SPMIP3: variants seen among roughly 807,000 people sequenced by gnomAD.
The protein encoded by SPMIP3 is sperm microtubule inner protein 3, also known as protein SPMIP3.
the SPMIP3 span, among the ~76,000 whole-genome samples, chr1:244,374,619 C>T: frequency 2.3e-5 from 2 of 87,482 alleles, no homozygotes; most frequent in Non-Finnish European, 4.1e-5. Context: ...TTTTTTGAGA[C>T]AGGGTCTTGC....
At chr1:244,356,761 A>G in the SPMIP3 span, among the ~76,000 whole-genome samples, 1 of 152,160 alleles carries the variant, frequency 6.6e-6, no homozygotes, top group Non-Finnish European at 1.5e-5. Context: ...CAAAATGTCC[A>G]AAATTGGGGT....
At chr1:244,356,337 A>G in the SPMIP3 span, among the ~76,000 whole-genome samples, 3 of 152,188 alleles carry the variant, frequency 2.0e-5, no homozygotes, top group African/African-American at 7.2e-5. Flanking sequence ...GAATGGGTCA[A>G]TTTTATTAAG....
the SPMIP3 span, among the ~76,000 whole-genome samples, chr1:244,388,489 T>C: frequency 6.6e-6 from 1 of 152,160 alleles, no homozygotes; most frequent in Non-Finnish European, 1.5e-5. Flanking sequence ...TGATTGATTT[T>C]GTATGGTTTT....
At chr1:244,353,024 T>G in the SPMIP3 span, among the ~76,000 whole-genome samples, 1 of 152,324 alleles carries the variant, frequency 6.6e-6, no homozygotes, top group East Asian at 1.9e-4. Context: ...CAAGAAGACC[T>G]AGGTTTTAAA....
At chr1:244,375,763 C>T in the SPMIP3 span, among the ~76,000 whole-genome samples, 2 of 152,010 alleles carry the variant, frequency 1.3e-5, no homozygotes, top group East Asian at 1.9e-4. Context: ...CTCCCAGGTT[C>T]GAGCAATTCT....
the SPMIP3 span, among the ~76,000 whole-genome samples, chr1:244,358,825 A>G: frequency 2.0e-5 from 3 of 152,156 alleles, no homozygotes; most frequent in Non-Finnish European, 4.4e-5. Context: ...AAGGGCACAG[A>G]CAGCACTTTT....
the SPMIP3 span, among the ~76,000 whole-genome samples, chr1:244,388,307 ATACT>A: frequency 6.6e-6 from 1 of 152,156 alleles, no homozygotes; most frequent in Non-Finnish European, 1.5e-5. Context: ...TAATAATAAA[ATACT>A]TATTTATTCC....
chr1:244,383,725 C>A, the SPMIP3 span, among the ~76,000 whole-genome samples: 1 of 151,974 alleles, frequency 6.6e-6, no homozygotes, highest in South Asian at 2.1e-4. Flanking sequence ...CAGGAAGGAG[C>A]ATGACATGTT....
the SPMIP3 span, chr1:244,389,637 G>A: frequency 6.6e-6 from 1 of 152,016 alleles, no homozygotes; most frequent in African/African-American, 2.4e-5. Context: ...TCTCTAGGGA[G>A]AGGAAAGAAT....
At chr1:244,387,285 A>G in the SPMIP3 span, among the ~76,000 whole-genome samples, 1 of 151,952 alleles carries the variant, frequency 6.6e-6, no homozygotes, top group Non-Finnish European at 1.5e-5. Flanking sequence ...CCGACAGAGT[A>G]CGACTCCGTC....
chr1:244,387,368 AT>A, the SPMIP3 span, among the ~76,000 whole-genome samples: 1 of 152,198 alleles, frequency 6.6e-6, no homozygotes, highest in African/African-American at 2.4e-5. Context: ...CAATAATTGT[AT>A]TAAAGTGAAG....
chr1:244,374,006 G>T, the SPMIP3 span, among the ~76,000 whole-genome samples: 1 of 151,974 alleles, frequency 6.6e-6, no homozygotes, highest in East Asian at 1.9e-4. Context: ...CCAGCTACTC[G>T]GGAGGCTGAG....
chr1:244,385,796 T>A, the SPMIP3 span, among the ~76,000 whole-genome samples: 1 of 152,164 alleles, frequency 6.6e-6, no homozygotes, highest in Non-Finnish European at 1.5e-5. Flanking sequence ...TGGAATTGCA[T>A]ATATCACTGA....
chr1:244,382,260 G>A, the SPMIP3 span, among the ~76,000 whole-genome samples: 1 of 151,964 alleles, frequency 6.6e-6, no homozygotes, highest in African/African-American at 2.4e-5. Context: ...TGCTATATGG[G>A]AAATAAGCAG....
chr1:244,354,114 A>G, the SPMIP3 span, among the ~76,000 whole-genome samples: 2 of 152,172 alleles, frequency 1.3e-5, no homozygotes, highest in Non-Finnish European at 2.9e-5. Context: ...ACCAGCTCAC[A>G]TGCCATTTTC....
At chr1:244,375,841 A>G in the SPMIP3 span, among the ~76,000 whole-genome samples, 1 of 151,858 alleles carries the variant, frequency 6.6e-6, no homozygotes, top group Non-Finnish European at 1.5e-5. Context: ...ATTTTTTTGT[A>G]TTTTTAGTAG....
At chr1:244,358,462 GT>G in the SPMIP3 span, among the ~76,000 whole-genome samples, 1 of 151,776 alleles carries the variant, frequency 6.6e-6, no homozygotes, top group African/African-American at 2.4e-5. Context: ...GCGCATGTCT[GT>G]AATACCAGCT....
chr1:244,377,182 C>T, the SPMIP3 span, among the ~76,000 whole-genome samples: 7 of 149,978 alleles, frequency 4.7e-5, no homozygotes, highest in South Asian at 2.1e-4. Flanking sequence ...ACTGCAGTGG[C>T]GTGATCTCAG....
chr1:244,354,404 T>A, the SPMIP3 span, among the ~76,000 whole-genome samples: 4 of 145,958 alleles, frequency 2.7e-5, no homozygotes, highest in African/African-American at 1.0e-4. Context: ...TCACCCAGGC[T>A]GGAGTGCAAT....
Sources: gnomAD v4.1 joint callset for allele counts (sites outside exome capture counted in the v4.1 genomes callset) on GRCh38, gnomAD v4.1.1 for gene constraint, MANE v1.5 for transcripts, NCBI Gene and HGNC (gene_info 2026-07-23, HGNC 2026-07-21) for gene names.